The following CSN3 variants were observed in gnomAD, a reference collection of about 807,000 sequenced individuals.
The protein encoded by CSN3 is casein kappa.
Under a neutral mutation model 9.9 loss-of-function variants are expected in CSN3, and 7 were observed. The ratio of observed to expected loss-of-function variants is 0.71; its 90% CI spans 0.40 to 1.33. CSN3 has a LOEUF of 1.33. Among genes scored for constraint, CSN3 ranks in the 40% most tolerant of loss-of-function variants. CSN3 has a pLI of 0.01. For synonymous variants in CSN3, 88 were observed against 82.3 expected (o/e 1.07, Z -0.37); for missense variants, 253 against 227.9 (o/e 1.11, Z -0.71).
At chr4:70,244,729 C>T in intron 1 of CSN3, 83 bp from the exon 2 acceptor site, 1 of 680,212 alleles carries the variant, frequency 1.5e-6, no homozygotes, top group South Asian at 5.0e-5. Context: ...TTTTCTTAAT[C>T]AAGGAAACAT....
intron 1 of CSN3, among the ~76,000 whole-genome samples, 152 bp from the exon 2 acceptor site, chr4:70,244,660 C>T (rs970136210): frequency 2.6e-5 from 4 of 152,032 alleles, no homozygotes; most frequent in African/African-American, 7.2e-5. Flanking sequence ...TGAGTTTTTA[C>T]ATTCTTTTGT....
chr4:70,247,572 T>C (rs1730405134), intron 2 of CSN3, among the ~76,000 whole-genome samples: 1 of 152,108 alleles, frequency 6.6e-6, no homozygotes, highest in Non-Finnish European at 1.5e-5. Context: ...CCACAGTGAC[T>C]TTTTCATTCT....
rs1281651942 is a variant in CSN3 at position 70,244,890 on chromosome 4, T to TA, written c.54+19dup. On this transcript the variant is annotated intron_variant, in intron 2 of 4. Transcript: ENST00000304954. ...CCTTTTTTGGTAAGTTAATTTCATCTAACCAGATTGTACTGACTTTAAGAA... is the reference window on the plus strand; with the variant it reads ...CCTTTTTTGGTAAGTTAATTTCATCTAAACCAGATTGTACTGACTTTAAGAA... 3.3e-6 allele frequency: 5 copies of TA among 1,536,858 alleles called. No homozygotes were observed. Among genetic ancestry groups the TA allele is most frequent in the Non-Finnish European group, 4.4e-6 (5 of 1,137,966 alleles).
intron 2 of CSN3, among the ~76,000 whole-genome samples, chr4:70,246,834 G>C (rs569561612): frequency 6.6e-6 from 1 of 151,772 alleles, no homozygotes; most frequent in Admixed American, 6.6e-5. Flanking sequence ...ACCATGCCCA[G>C]CTAATTTTTG....
chr4:70,249,520 A>G, intron 4 of CSN3, 27 bp downstream of exon 4: 1 of 1,280,416 alleles, frequency 7.8e-7, no homozygotes, highest in South Asian at 1.3e-5. Context: ...TAAAATGAGT[A>G]ATTCCGACAA....
At chr4:70,249,037 G>T (rs1024534620) in exon 4 of CSN3, 23 of 1,609,388 alleles carry the variant, frequency 1.4e-5, no homozygotes, top group Non-Finnish European at 2.0e-5. Flanking sequence ...TCAGAAAACA[G>T]CTCCATATGT....
chr4:70,249,490 G>T lies in CSN3; in HGVS notation c.*31G>T, dbSNP rs779814487. 7 of 1,527,316 alleles carry T rather than the reference G, an allele frequency of 4.6e-6. No homozygotes were observed. The African/African-American group carries it at 6.9e-5, about 15-fold the overall frequency. 94.6% of individuals were successfully genotyped at this position (1,527,316 alleles called of 1,614,324 possible). A position where few individuals can be genotyped will look rare whatever the true frequency, so the allele number is the denominator to read the frequency against. Reference sequence around the variant, plus strand: ...CCAAGGAAATATCAAAGAACACAACGCAGGTAAATTAACAGTATATAAAAT... The same window carrying T: ...CCAAGGAAATATCAAAGAACACAACTCAGGTAAATTAACAGTATATAAAAT... On this transcript the variant is annotated 3_prime_UTR_variant, in exon 4 of 5. Coordinates refer to ENST00000304954, the Ensembl canonical transcript of CSN3.
At chr4:70,241,207 A>G (rs1211249993), upstream of CSN3, among the ~76,000 whole-genome samples, 1 of 152,000 alleles carries the variant, frequency 6.6e-6, no homozygotes, top group African/African-American at 2.4e-5. Flanking sequence ...AAAGGAAAAC[A>G]CTGTGACTAA....
At chr4:70,249,325 A>C in exon 4 of CSN3, 1 of 1,614,046 alleles carries the variant, frequency 6.2e-7, no homozygotes, top group Non-Finnish European at 8.5e-7. Context: ...TACCATTGCT[A>C]CTGTTGAACC....
Position 70,247,800 on chromosome 4 carries a change from T to C in CSN3, c.55-18T>C, listed in dbSNP as rs767022563. On this transcript the variant is annotated intron_variant, in intron 2 of 4. Coordinates refer to ENST00000304954, the Ensembl canonical transcript of CSN3. The stretch of plus-strand genomic sequence containing the variant: ...TTTTAACTTATTTCTCATTATTTCT[T>C]CTTCTGGAACTCCCCAGGCTGTGGA... 2 of 1,582,390 alleles carry C rather than the reference T, an allele frequency of 1.3e-6. No individual in the cohort carries two copies. The highest frequency in any genetic ancestry group is 2.4e-5 in the South Asian group (2 of 83,992).
At chr4:70,241,739 T>G (rs1730274116), upstream of CSN3, among the ~76,000 whole-genome samples, 1 of 152,016 alleles carries the variant, frequency 6.6e-6, no homozygotes, top group South Asian at 2.1e-4. Context: ...TTAATAATTT[T>G]TTTTTCAAAA....
At chr4:70,240,095 T>C (rs541858252), upstream of CSN3, among the ~76,000 whole-genome samples, 124 of 151,904 alleles carry the variant, frequency 8.2e-4, 1 homozygote, top group Non-Finnish European at 1.4e-3. Flanking sequence ...AAAATAAAAC[T>C]ACATGGATGT....
chr4:70,242,994 T>C (rs1319051058), intron 1 of CSN3, among the ~76,000 whole-genome samples: 1 of 152,158 alleles, frequency 6.6e-6, no homozygotes, highest in Non-Finnish European at 1.5e-5. Flanking sequence ...GTTGGGCTCA[T>C]GATAATAATC....
At chr4:70,248,808 A>G (rs935078506) in intron 3 of CSN3, among the ~76,000 whole-genome samples, 190 bp from the exon 4 acceptor site, 1 of 151,910 alleles carries the variant, frequency 6.6e-6, no homozygotes, top group African/African-American at 2.4e-5. Context: ...TATTTATAAT[A>G]TTGAAAATCA....
chr4:70,243,437 G>T (rs1730310693), intron 1 of CSN3, among the ~76,000 whole-genome samples: 1 of 152,004 alleles, frequency 6.6e-6, no homozygotes, highest in South Asian at 2.1e-4. Flanking sequence ...TTCCAAATGA[G>T]TTCCATCGAA....
At chr4:70,242,500 T>C (rs1391193059), upstream of CSN3, 1 of 140,316 alleles carries the variant, frequency 7.1e-6, no homozygotes, top group East Asian at 2.2e-4. Flanking sequence ...AAGGTGACCC[T>C]GCTATCATCA....
chr4:70,244,461 C>T (rs1730334608), intron 1 of CSN3, among the ~76,000 whole-genome samples: 1 of 151,996 alleles, frequency 6.6e-6, no homozygotes, highest in African/African-American at 2.4e-5. Context: ...GTGGCATTTT[C>T]TACTTTTTTT....
chr4:70,247,313 C>T (rs772012410), intron 2 of CSN3, among the ~76,000 whole-genome samples: 4 of 151,888 alleles, frequency 2.6e-5, no homozygotes, highest in Non-Finnish European at 5.9e-5. Flanking sequence ...ACTATAAAAA[C>T]AAATGAAAGA....
chr4:70,242,197 CA>C (rs1164378030), upstream of CSN3, among the ~76,000 whole-genome samples: 7 of 151,222 alleles, frequency 4.6e-5, no homozygotes, highest in East Asian at 1.9e-4. Context: ...TCTTTATAAA[CA>C]AAAAAAGATT....
Sources: gnomAD v4.1 joint callset for allele counts (sites outside exome capture counted in the v4.1 genomes callset) on GRCh38, gnomAD v4.1.1 for gene constraint, MANE v1.5 for transcripts, NCBI Gene and HGNC (gene_info 2026-07-23, HGNC 2026-07-21) for gene names.